MMRN1: variants seen among roughly 807,000 people sequenced by gnomAD.
MMRN1 encodes multimerin-1.
Under a neutral mutation model 100.7 loss-of-function variants are expected in MMRN1, and 94 were observed. The ratio of observed to expected loss-of-function variants is 0.93; its 90% CI spans 0.79 to 1.11. MMRN1 has a LOEUF of 1.11. Among genes scored for constraint, MMRN1 ranks in the 50% least tolerant of loss-of-function variants. MMRN1 has a pLI of 0.00. For synonymous variants in MMRN1, 575 were observed against 505.0 expected (o/e 1.14, Z -1.86); for missense variants, 1,606 against 1,439.1 (o/e 1.12, Z -1.88).
At position 89,895,557 on chromosome 4, in the gene MMRN1, G is replaced by A. The variant is rs779516872; in HGVS notation, c.586G>A (p.Asp196Asn). ...RGDSSSSQRT[D>N]YQKSNFETTR... ...TGACAGCAGTTCCAGCCAAAGAACT[G>A]ACTACCAAAAATCAAATTTCGAAAC... The change falls in exon 1 of 8, where the codon GAC (aspartate) becomes AAC (asparagine). Residue 196 changes from aspartate to asparagine, a missense_variant. Coordinates refer to ENST00000264790, the MANE Select transcript of MMRN1 (RefSeq NM_007351.3). 6.2e-7 allele frequency: 1 copy of A among 1,613,582 alleles called. No homozygotes were observed. Among genetic ancestry groups the A allele is most frequent in the South Asian group, 1.1e-5 (1 of 91,034 alleles).
intron 1 of MMRN1, among the ~76,000 whole-genome samples, chr4:89,901,316 T>C (rs1230943275): frequency 6.6e-6 from 1 of 151,972 alleles, no homozygotes; most frequent in Non-Finnish European, 1.5e-5. Flanking sequence ...AATTTGAATA[T>C]GCAGAAAAAG....
intron 5 of MMRN1, 56 bp from the exon 6 acceptor site, chr4:89,934,754 A>T: frequency 1.0e-6 from 1 of 995,330 alleles, no homozygotes; most frequent in Non-Finnish European, 1.4e-6. Flanking sequence ...TCTTTTAGAG[A>T]TGCTTAAAGT....
intron 1 of MMRN1, among the ~76,000 whole-genome samples, chr4:89,908,774 T>C (rs1373191703): frequency 6.6e-6 from 1 of 151,530 alleles, no homozygotes; most frequent in Non-Finnish European, 1.5e-5. Context: ...GTCTTTTTAA[T>C]TATAATAATC....
upstream of MMRN1, among the ~76,000 whole-genome samples, chr4:89,891,174 G>C (rs1721046113): frequency 1.3e-5 from 2 of 151,984 alleles, no homozygotes; most frequent in South Asian, 4.1e-4. Flanking sequence ...ATTTTCTTTA[G>C]GAGTAACTTA....
intron 1 of MMRN1, among the ~76,000 whole-genome samples, chr4:89,881,766 G>T (rs1184734687): frequency 6.6e-6 from 1 of 151,860 alleles, no homozygotes; most frequent in African/African-American, 2.4e-5. Flanking sequence ...ATTGTTGCAA[G>T]TTGTGTACTG....
intron 1 of MMRN1, among the ~76,000 whole-genome samples, chr4:89,901,073 T>C (rs1435411533): frequency 6.7e-6 from 1 of 149,452 alleles, no homozygotes; most frequent in South Asian, 2.1e-4. Context: ...GTGAGCACCA[T>C]GCTCTGGCCT....
intron 1 of MMRN1, among the ~76,000 whole-genome samples, chr4:89,880,138 G>T (rs1720787838): frequency 6.6e-6 from 1 of 152,124 alleles, no homozygotes; most frequent in Non-Finnish European, 1.5e-5. Context: ...TGACTTCTTT[G>T]TGTCAACACA....
In MMRN1 at chr4:89,927,962, C is replaced by T. The variant is rs774931508; in HGVS notation, c.1123C>T (p.Leu375=). 6.4e-7 allele frequency: 1 copy of T among 1,566,678 alleles called. No individual in the cohort carries two copies. Among genetic ancestry groups the T allele is most frequent in the South Asian group, 1.2e-5 (1 of 83,186 alleles). The part of the protein sequence containing the change: ...EDKSREFQSL[L]KGLKSKSINV... Reference sequence around the variant, plus strand: ...TAAAAGCAGAGAATTTCAATCTCTTCTAAAAGGTAAAAATGAAATAAAATA... The same window carrying T: ...TAAAAGCAGAGAATTTCAATCTCTTTTAAAAGGTAAAAATGAAATAAAATA... The change falls in exon 5 of 8, where the codon CTA becomes TTA. Residue 375 remains leucine, a synonymous_variant. Coordinates refer to ENST00000264790, the MANE Select transcript of MMRN1 (RefSeq NM_007351.3).
intron 1 of MMRN1, among the ~76,000 whole-genome samples, chr4:89,886,818 A>G (rs1016721534): frequency 3.3e-5 from 5 of 152,120 alleles, no homozygotes; most frequent in Non-Finnish European, 7.4e-5. Context: ...TAATTAGGAT[A>G]TTGATCACCT....
intron 5 of MMRN1, among the ~76,000 whole-genome samples, chr4:89,930,503 C>A (rs561626255): frequency 6.6e-6 from 1 of 151,652 alleles, no homozygotes; most frequent in African/African-American, 2.4e-5. Flanking sequence ...TCATTGTCCA[C>A]AACTAATAAA....
intron 4 of MMRN1, among the ~76,000 whole-genome samples, chr4:89,927,503 T>C (rs1016297432): frequency 2.6e-5 from 4 of 152,270 alleles, no homozygotes; most frequent in African/African-American, 9.6e-5. Flanking sequence ...TCTATTCTAA[T>C]AGTTTTTTGG....
intron 5 of MMRN1, among the ~76,000 whole-genome samples, chr4:89,932,466 G>A (rs1281627379): frequency 6.6e-6 from 1 of 152,192 alleles, no homozygotes; most frequent in Non-Finnish European, 1.5e-5. Context: ...TGGAGACACT[G>A]TGTGGGGGGT....
At chr4:89,946,050 G>A (rs959509730) in intron 6 of MMRN1, among the ~76,000 whole-genome samples, 1 of 152,112 alleles carries the variant, frequency 6.6e-6, no homozygotes. Context: ...GCTGGCAATG[G>A]GCATATGAAA....
At chr4:89,937,950 A>G (rs1392281721) in intron 6 of MMRN1, among the ~76,000 whole-genome samples, 1 of 152,094 alleles carries the variant, frequency 6.6e-6, no homozygotes, top group Non-Finnish European at 1.5e-5. Context: ...TATAAGTAAT[A>G]TTGAATAATC....
At chr4:89,899,431 C>T (rs1376162050) in intron 1 of MMRN1, among the ~76,000 whole-genome samples, 1 of 152,070 alleles carries the variant, frequency 6.6e-6, no homozygotes, top group African/African-American at 2.4e-5. Context: ...ACAAGAACTC[C>T]TACATGTCCT....
intron 6 of MMRN1, among the ~76,000 whole-genome samples, chr4:89,944,267 A>G (rs935919083): frequency 6.6e-6 from 1 of 152,212 alleles, no homozygotes; most frequent in Admixed American, 6.5e-5. Context: ...CCTTAAGATA[A>G]CATCCAAGAA....
chr4:89,936,101 A>G lies in MMRN1; in HGVS notation c.2421A>G (p.Ala807=), dbSNP rs112060647. The G allele has an allele frequency of 3.1e-3, 4,977 of 1,612,280 alleles. 15 individuals carry two copies. The highest frequency in any genetic ancestry group is 3.9e-3 in the Non-Finnish European group (4,598 of 1,179,452). The change falls in exon 6 of 8, where the codon GCA becomes GCG. Residue 807 remains alanine, a synonymous_variant. Coordinates refer to ENST00000264790, the MANE Select transcript of MMRN1 (RefSeq NM_007351.3). ...TTTTGCAAGTCGCCAAGACCCTTGC[A>G]GGTATTCCCAGAGATGAGAAACTAA... The part of the protein sequence containing the change: ...NFVLQVAKTL[A]GIPRDEKLNQ...
At chr4:89,916,859 G>A (rs1721938031) in intron 3 of MMRN1, among the ~76,000 whole-genome samples, 1 of 151,522 alleles carries the variant, frequency 6.6e-6, no homozygotes. Flanking sequence ...AATGATATAT[G>A]TCTCAAATTC....
At position 89,953,776 on chromosome 4, in the gene MMRN1, C is replaced by G. The variant is rs138168389; in HGVS notation, c.*358C>G. 6.4e-3 allele frequency: 1,033 copies of G among 161,772 alleles called. 8 individuals are homozygous for G. Among genetic ancestry groups the G allele is most frequent in the African/African-American group, 0.022 (906 of 41,908 alleles). 10.0% of individuals were successfully genotyped at this position (161,772 alleles called of 1,614,324 possible). Reference sequence around the variant, plus strand: ...TCACAGTTTTCTTTCCAATTAAACACTTAACTTTTGTTATTCCCTGTATAT... The same window carrying G: ...TCACAGTTTTCTTTCCAATTAAACAGTTAACTTTTGTTATTCCCTGTATAT... On this transcript the variant is annotated 3_prime_UTR_variant, in exon 8 of 8. Coordinates refer to ENST00000264790, the MANE Select transcript of MMRN1 (RefSeq NM_007351.3).
Sources: gnomAD v4.1 joint callset for allele counts (sites outside exome capture counted in the v4.1 genomes callset) on GRCh38, gnomAD v4.1.1 for gene constraint, MANE v1.5 for transcripts, NCBI Gene and HGNC (gene_info 2026-07-23, HGNC 2026-07-21) for gene names.